Variants in OPRM1 observed in about 807,000 individuals in gnomAD.
OPRM1 encodes opioid receptor mu 1.
Under a neutral mutation model 31.8 loss-of-function variants are expected in OPRM1, and 27 were observed. That is an observed-to-expected ratio of 0.85 (90% CI 0.63 to 1.17). The LOEUF (loss-of-function observed/expected upper bound fraction) is 1.17. Among genes scored for constraint, OPRM1 ranks in the 50% most tolerant of loss-of-function variants. OPRM1 has a pLI of 0.00. For missense variants in OPRM1, 536 were observed against 511.1 expected (o/e 1.05, Z -0.47); for synonymous variants, 196 against 189.9 (o/e 1.03, Z -0.26).
At chr6:154,088,431 T>C (rs1791184682) in intron 1 of OPRM1, among the ~76,000 whole-genome samples, 1 of 152,248 alleles carries the variant, frequency 6.6e-6, no homozygotes, top group African/African-American at 2.4e-5. Flanking sequence ...CATTTTTTTC[T>C]GTAAAGTGCA....
intron 3 of OPRM1, among the ~76,000 whole-genome samples, chr6:154,185,412 A>G (rs953409811): frequency 2.0e-5 from 3 of 152,246 alleles, no homozygotes; most frequent in African/African-American, 7.2e-5. Flanking sequence ...GCAAAAAGTT[A>G]GAGTTTAGAT....
At chr6:154,140,036 A>G (rs934247728) in intron 3 of OPRM1, among the ~76,000 whole-genome samples, 2 of 152,110 alleles carry the variant, frequency 1.3e-5, no homozygotes, top group African/African-American at 4.8e-5. Context: ...TCTTGAGAAA[A>G]CCAGAACGGA....
At chr6:154,043,902 C>G (rs1780576133) in intron 1 of OPRM1, among the ~76,000 whole-genome samples, 1 of 152,082 alleles carries the variant, frequency 6.6e-6, no homozygotes, top group South Asian at 2.1e-4. Flanking sequence ...TCTTCTGTGT[C>G]TTCTAAACAC....
chr6:154,174,017 T>C (rs914520396), intron 3 of OPRM1, among the ~76,000 whole-genome samples: 1 of 152,174 alleles, frequency 6.6e-6, no homozygotes, highest in Non-Finnish European at 1.5e-5. Context: ...GGGCCAATAT[T>C]CAACATTCTT....
At chr6:154,075,064 A>G (rs1787574565) in intron 1 of OPRM1, among the ~76,000 whole-genome samples, 1 of 152,216 alleles carries the variant, frequency 6.6e-6, no homozygotes, top group Non-Finnish European at 1.5e-5. Context: ...AGGAACATAC[A>G]AAAGAGATAA....
intron 3 of OPRM1, among the ~76,000 whole-genome samples, chr6:154,201,674 C>T (rs1258932890): frequency 6.6e-6 from 1 of 152,200 alleles, no homozygotes; most frequent in East Asian, 1.9e-4. Flanking sequence ...GTGGGCAGAT[C>T]TCTTGAGGTG....
chr6:154,141,251 T>C lies in OPRM1; in HGVS notation c.1164+49779T>C, dbSNP rs538216953. On this transcript the variant is annotated intron_variant, in intron 3 of 3. Transcript: ENST00000337049. ...GGGCAGCGCGTGTTAATGTTATAAA[T>C]CACCCGCTTATCCCAGTCTTTACCA... Among the ~76,000 whole-genome samples, 6 of 152,336 alleles carry C rather than the reference T, an allele frequency of 3.9e-5. No individual in the cohort carries two copies. The South Asian group carries it at 6.2e-4, about 16-fold the overall frequency.
chr6:154,212,780 G>T, intron 3 of OPRM1: 1 of 1,610,464 alleles, frequency 6.2e-7, no homozygotes, highest in Non-Finnish European at 8.5e-7. Flanking sequence ...CAAAGACTGA[G>T]TCTGGGAAGC....
intron 3 of OPRM1, among the ~76,000 whole-genome samples, chr6:154,198,882 C>T (rs1254053995): frequency 6.6e-6 from 1 of 152,152 alleles, no homozygotes; most frequent in Non-Finnish European, 1.5e-5. Flanking sequence ...AATATACAAA[C>T]CAAACTCATC....
intron 1 of OPRM1, among the ~76,000 whole-genome samples, chr6:154,043,539 A>T (rs1384116246): frequency 1.3e-5 from 1 of 79,256 alleles, no homozygotes; most frequent in Non-Finnish European, 2.5e-5. Context: ...GTGTGTGTGT[A>T]TATATATATA....
chr6:154,094,300 C>T (rs9479759), intron 3 of OPRM1: 83,209 of 968,250 alleles, frequency 0.086, 3,750 homozygotes, highest in Non-Finnish European at 0.095. Flanking sequence ...AGTGGAGTGG[C>T]GATTTGGCAG....
chr6:154,059,569 A>G (rs1784000586), intron 1 of OPRM1, among the ~76,000 whole-genome samples: 1 of 150,690 alleles, frequency 6.6e-6, no homozygotes, highest in African/African-American at 2.4e-5. Flanking sequence ...TACATTCATG[A>G]TCCTTTTTTA....
chr6:154,159,695 G>C (rs1798856900), intron 3 of OPRM1: 1 of 684,012 alleles, frequency 1.5e-6, no homozygotes. Context: ...CATCTAACGT[G>C]CATCTTTAGA....
intron 3 of OPRM1, chr6:154,219,298 C>CT (rs71556298): frequency 0.029 from 4,423 of 152,342 alleles, 98 homozygotes; most frequent in Non-Finnish European, 0.043. Flanking sequence ...CTCTGCTACT[C>CT]TGTCTCACTC....
chr6:154,074,759 TAAAAA>T (rs905094253), intron 1 of OPRM1, among the ~76,000 whole-genome samples: 8 of 130,886 alleles, frequency 6.1e-5, no homozygotes, highest in East Asian at 4.5e-4. Context: ...AGACTCCAAA[TAAAAA>T]AAGAAAAGAA....
chr6:154,134,599 C>T (rs1798009542), downstream of OPRM1, among the ~76,000 whole-genome samples: 1 of 152,100 alleles, frequency 6.6e-6, no homozygotes, highest in African/African-American at 2.4e-5. Flanking sequence ...CATAATATAT[C>T]CAGAAGCCAC....
intron 1 of OPRM1, among the ~76,000 whole-genome samples, chr6:154,055,432 A>G (rs1376937619): frequency 2.6e-5 from 4 of 151,726 alleles, no homozygotes; most frequent in African/African-American, 9.7e-5. Context: ...AAAGCTAGAG[A>G]GTTTTATTAG....
At chr6:154,223,213 G>A in intron 3 of OPRM1, 2 of 1,613,612 alleles carry the variant, frequency 1.2e-6, no homozygotes, top group South Asian at 1.1e-5. Context: ...GTGAAATCAG[G>A]CAGGTTGACA....
At position 154,111,382 on chromosome 6, in the gene OPRM1, C is replaced by T. The variant is rs909904383; in HGVS notation, c.1165-7301C>T. On this transcript the variant is annotated intron_variant, in intron 3 of 3. Transcript: ENST00000330432. Reference sequence around the variant, plus strand: ...TCAAAAGTACCCAAGCCTGTTATTGCCTTCAATTGTAACTTTGAATGGCAT... The same window carrying T: ...TCAAAAGTACCCAAGCCTGTTATTGTCTTCAATTGTAACTTTGAATGGCAT... 3.9e-5 allele frequency among the ~76,000 whole-genome samples: 6 copies of T among 152,220 alleles called. No individual in the cohort carries two copies. In the East Asian group the frequency reaches 1.2e-3, roughly 29 times the overall value.
Sources: allele counts gnomAD v4.1 joint callset (sites outside exome capture counted in the v4.1 genomes callset), GRCh38; gene constraint gnomAD v4.1.1; transcripts MANE v1.5; gene names NCBI Gene and HGNC (gene_info 2026-07-23, HGNC 2026-07-21).